The following FAM186A variants were observed in gnomAD, a reference collection of about 807,000 sequenced individuals.
FAM186A encodes the protein family with sequence similarity 186 member A.
FAM186A carries 163 observed loss-of-function variants against 216.8 expected under a neutral mutation model. That is an observed-to-expected ratio of 0.75 (90% CI 0.66 to 0.86). The LOEUF is 0.86. Ranked by LOEUF, FAM186A falls within the 40% of genes least tolerant of loss-of-function variation. The pLI, the probability that FAM186A is intolerant of heterozygous loss-of-function variation, is 0.00. For missense variants in FAM186A, 2,184 were observed against 2,746.2 expected, an observed-to-expected ratio of 0.80 and a Z score of 4.58; for synonymous variants, 805 against 1,025.3, an observed-to-expected ratio of 0.79 and a Z score of 4.10.
At chr12:50,377,818 G>T (rs1943212377) in intron 1 of FAM186A, among the ~76,000 whole-genome samples, 1 of 120,788 alleles carries the variant, frequency 8.3e-6, no homozygotes. Context: ...CCGGGCAAAA[G>T]AGCAAAACTC....
intron 5 of FAM186A, among the ~76,000 whole-genome samples, chr12:50,332,421 A>G (rs1565878169): frequency 6.6e-6 from 1 of 152,248 alleles, no homozygotes; most frequent in Non-Finnish European, 1.5e-5. Context: ...ACAATCTGGT[A>G]GCGGAGCTAG....
intron 1 of FAM186A, among the ~76,000 whole-genome samples, chr12:50,374,208 G>T (rs1488663266): frequency 3.3e-5 from 5 of 150,938 alleles, no homozygotes; most frequent in Non-Finnish European, 7.4e-5. Flanking sequence ...GCTAGATGAC[G>T]AGTTAGTGGG....
chr12:50,377,448 T>C (rs912863600), intron 1 of FAM186A, among the ~76,000 whole-genome samples: 12 of 146,608 alleles, frequency 8.2e-5, no homozygotes, highest in Non-Finnish European at 3.0e-5. Flanking sequence ...TTTAACACTA[T>C]AAAACTTCTA....
chr12:50,333,374 A>T (rs1490590511), intron 5 of FAM186A, among the ~76,000 whole-genome samples: 2 of 152,116 alleles, frequency 1.3e-5, no homozygotes, highest in South Asian at 2.1e-4. Flanking sequence ...TCTACTAAAA[A>T]TATAAAATTT....
chr12:50,343,696 G>T (rs1209992196), intron 4 of FAM186A, among the ~76,000 whole-genome samples: 4 of 152,134 alleles, frequency 2.6e-5, no homozygotes, highest in Non-Finnish European at 1.5e-5. Flanking sequence ...TCGGCTCACT[G>T]CAACCTCCAC....
At chr12:50,348,148 G>A (rs555417271) in intron 4 of FAM186A, among the ~76,000 whole-genome samples, 25 of 143,568 alleles carry the variant, frequency 1.7e-4, no homozygotes, top group Admixed American at 5.4e-4. Flanking sequence ...GGGTTCAAAC[G>A]ATTCTCCTGC....
At position 50,356,165 on chromosome 12, in the gene FAM186A, T is replaced by C; in HGVS notation, c.667A>G (p.Met223Val). The stretch of plus-strand genomic sequence containing the variant: ...TTTGTTGCAAGTTGATCACTAATCA[T>C]CTGATCTGGTCTTAAAGCACGGGCT... ...STARALRPDQ[M>V]ISDQLATNTK... is the part of the protein sequence containing the mutation. Residue 223 changes from methionine to valine, a missense_variant, in exon 4 of 8, where the codon ATG becomes GTG. Physicochemically the swap from Met to Val is conservative, Grantham distance 21. This residue lies in a region of FAM186A where 1,132 missense variants were observed against 1,263.4 expected (regional missense o/e 0.90). Coordinates refer to ENST00000327337, the MANE Select transcript of FAM186A (RefSeq NM_001145475.3). The C allele has an allele frequency of 6.4e-7, 1 of 1,551,638 alleles. No individual in the cohort carries two copies. The highest frequency in any genetic ancestry group is 2.4e-5 in the East Asian group (1 of 40,906).
chr12:50,341,395 G>T (rs1403602735), intron 4 of FAM186A, among the ~76,000 whole-genome samples: 2 of 152,128 alleles, frequency 1.3e-5, no homozygotes, highest in African/African-American at 4.8e-5. Flanking sequence ...AAATATTAGA[G>T]AAGAGCTTTC....
chr12:50,351,468 C>T lies in FAM186A; in HGVS notation c.5364G>A (p.Lys1788=). ...AACGAAGAGTCTGTGGTGCCCCAAG[C>T]TTCCCAGGCTCAGAAAGAATCCCCA... ...LEMGILSEPG[K]LGAPQTLRSS... Residue 1788 remains lysine (K), a synonymous_variant, in exon 4 of 8, where the codon AAG becomes AAA. Coordinates refer to ENST00000327337, the MANE Select transcript of FAM186A (RefSeq NM_001145475.3). The T allele has an allele frequency of 7.4e-6, 11 of 1,478,558 alleles. 1 individual carries two copies. Among genetic ancestry groups the T allele is most frequent in the African/African-American group, 4.3e-5 (3 of 70,374 alleles). The allele number at this position is 1,478,558 out of a possible 1,614,324, so 91.6% of individuals were successfully genotyped here. A position where few individuals can be genotyped will look rare whatever the true frequency, so the allele number is the denominator to read the frequency against.
chr12:50,351,887 C>G lies in FAM186A; in HGVS notation c.4945G>C (p.Val1649Leu). 1 of 1,544,790 alleles carries G rather than the reference C, an allele frequency of 6.5e-7. No homozygotes were observed. Residue 1649 changes from valine (V) to leucine (L), a missense_variant, in exon 4 of 8, where the codon GTC becomes CTC. Val to Leu is a conservative substitution (Grantham distance 32, BLOSUM62 1). Around this residue, in one of 7 missense-constraint regions of FAM186A, gnomAD observed 26 missense variants for 44.5 expected, o/e 0.58. Transcript: ENST00000327337. ...LTPQQAQALGVPITPVNAWVS... is the reference protein window; with the variant it reads ...LTPQQAQALGLPITPVNAWVS... ...CAGGCATTTACTGGGGTGATGGGGACTCCCAGTGCCTGGGCCTGCTGAGGG... is the reference window on the plus strand; with the variant it reads ...CAGGCATTTACTGGGGTGATGGGGAGTCCCAGTGCCTGGGCCTGCTGAGGG...
At chr12:50,378,558 GTATATATATATATATACACA>G (rs1943221671) in intron 1 of FAM186A, among the ~76,000 whole-genome samples, 2 of 14,378 alleles carry the variant, frequency 1.4e-4, no homozygotes, top group African/African-American at 1.7e-4. Flanking sequence ...TATGTAAATT[GTATATATATATATATACACA>G]TATGTAAATT....
intron 1 of FAM186A, among the ~76,000 whole-genome samples, chr12:50,393,589 G>T (rs1943384913): frequency 6.6e-6 from 1 of 151,368 alleles, no homozygotes; most frequent in South Asian, 2.1e-4. Flanking sequence ...GCTCAAGCCT[G>T]TAATCTTAGC....
At chr12:50,368,221 G>C (rs1943109402) in intron 1 of FAM186A, among the ~76,000 whole-genome samples, 1 of 151,392 alleles carries the variant, frequency 6.6e-6, no homozygotes, top group Non-Finnish European at 1.5e-5. Context: ...GGCCAACATG[G>C]TGAAACCCCA....
Position 50,353,098 on chromosome 12 carries a change from G to T in FAM186A, c.3734C>A (p.Pro1245His). Residue 1245 changes from proline to histidine, a missense_variant, in exon 4 of 8, where the codon CCT becomes CAT. Pro to His is a moderately conservative substitution (Grantham distance 77). Transcript: ENST00000327337. ...GATTCCGAGAGCCTGCGCCTGCTGA[G>T]GGGTGAGAGGGATCCCCAATTGCTG... ...QAQQLGIPLT[P>H]QQAQALGITL... 3 of 1,528,022 alleles carry T rather than the reference G, an allele frequency of 2.0e-6. No homozygotes were observed. Among genetic ancestry groups the T allele is most frequent in the Non-Finnish European group, 2.6e-6 (3 of 1,132,530 alleles). The allele number at this position is 1,528,022 out of a possible 1,614,324, so 94.7% of individuals were successfully genotyped here.
chr12:50,389,102 AT>A (rs2136107910), intron 1 of FAM186A, among the ~76,000 whole-genome samples: 1 of 152,246 alleles, frequency 6.6e-6, no homozygotes, highest in South Asian at 2.1e-4. Flanking sequence ...GTGATGGCTC[AT>A]GCCTGTAATC....
Position 50,354,847 on chromosome 12 carries a change from C to T in FAM186A, c.1985G>A (p.Gly662Asp). Residue 662 changes from glycine (G) to aspartate (D), a missense_variant, in exon 4 of 8, where the codon GGC (glycine) becomes GAC (aspartate). Gly to Asp is a moderately conservative substitution (Grantham distance 94). This residue lies in a region of FAM186A where 1,132 missense variants were observed against 1,263.4 expected (regional missense o/e 0.90). Transcript: ENST00000327337. ...TTCGAGGTTACTCTGTTCACTTTTG[C>T]CATCTGGACTTTCTAGAACTCTGGT... Reference protein sequence around the residue: ...ESTRVLESPDGKSEQSNLEEF... With the variant: ...ESTRVLESPDDKSEQSNLEEF... The T allele has an allele frequency of 1.3e-6, 2 of 1,545,370 alleles. No homozygotes were observed. The highest frequency in any genetic ancestry group is 8.7e-7 in the Non-Finnish European group (1 of 1,145,730).
intron 4 of FAM186A, among the ~76,000 whole-genome samples, chr12:50,342,306 T>TA (rs560766807): frequency 2.7e-5 from 4 of 149,440 alleles, no homozygotes; most frequent in African/African-American, 7.4e-5. Flanking sequence ...ACTCTTGTCT[T>TA]AAAAAAAACA....
intron 4 of FAM186A, among the ~76,000 whole-genome samples, chr12:50,341,771 G>T (rs1432849046): frequency 1.3e-5 from 2 of 152,066 alleles, no homozygotes; most frequent in African/African-American, 2.4e-5. Flanking sequence ...GGAGGCGGAG[G>T]TTGCAATGAG....
rs1418644311 is a variant in FAM186A, at chr12:50,355,825, A to G, written c.1007T>C (p.Val336Ala). 6.4e-7 allele frequency: 1 copy of G among 1,551,580 alleles called. No individual in the cohort carries two copies. The highest frequency in any genetic ancestry group is 2.4e-5 in the East Asian group (1 of 40,914). Reference protein sequence around the residue: ...KCEQLIRSKIVIEQLYAKLST... With the variant: ...KCEQLIRSKIAIEQLYAKLST... ...CAATTTTGCATATAGTTGTTCTATA[A>G]CAATTTTGGATCGAATAAGTTGTTC... The change falls in exon 4 of 8, where the codon GTT (valine) becomes GCT (alanine). Residue 336 changes from valine to alanine, a missense_variant. By Grantham distance (64) the Val-to-Ala change is moderately conservative. This residue lies in a region of FAM186A where 1,132 missense variants were observed against 1,263.4 expected (regional missense o/e 0.90). Transcript: ENST00000327337.
Sources: gnomAD v4.1 joint callset for allele counts (sites outside exome capture counted in the v4.1 genomes callset) on GRCh38, gnomAD v4.1.1 for gene constraint, gnomAD v4.1.1 regional missense constraint, MANE v1.5 for transcripts, NCBI Gene and HGNC (gene_info 2026-07-23, HGNC 2026-07-21) for gene names.